The following DMD variants were observed in gnomAD, a reference collection of about 807,000 sequenced individuals.
DMD encodes mutant dystrophin.
Under a neutral mutation model 330.1 loss-of-function variants are expected in DMD, and 63 were observed. The observed-to-expected ratio is 0.19, with a 90% confidence interval of 0.16 to 0.24. The LOEUF is 0.24. DMD is among the 10% of genes least tolerant of loss of function. The pLI is 1.00. For synonymous variants in DMD, 1,223 were observed against 959.8 expected (o/e 1.27, Z -5.07); for missense variants, 3,344 against 2,684.1 (o/e 1.25, Z -5.43).
intron 13 of DMD, among the ~76,000 whole-genome samples, chrX:32,592,968 C>A (rs2055096592): frequency 8.8e-6 from 1 of 113,111 alleles, no homozygotes. Context: ...CCTTCCGCTG[C>A]AGCTGGCATG....
intron 27 of DMD, among the ~76,000 whole-genome samples, chrX:32,442,882 T>TA (rs1165383341): frequency 1.8e-5 from 2 of 110,837 alleles, no homozygotes; most frequent in African/African-American, 3.3e-5. Flanking sequence ...GACAAAGCCC[T>TA]AAAAAAACTA....
At chrX:32,845,814 C>T (rs752752135) in intron 3 of DMD, among the ~76,000 whole-genome samples, 1 of 112,418 alleles carries the variant, frequency 8.9e-6, no homozygotes, top group South Asian at 3.7e-4. Context: ...TACCAGTTTT[C>T]TCATCTGTTA....
chrX:31,227,688 G>A (rs2046753388), intron 63 of DMD, among the ~76,000 whole-genome samples: 1 of 110,808 alleles, frequency 9.0e-6, no homozygotes, highest in South Asian at 3.9e-4. Context: ...AATTACCTTG[G>A]GCAGTATGAC....
intron 35 of DMD, 44 bp from the exon 36 acceptor site, chrX:32,364,754 T>C (rs1226938454): frequency 4.3e-6 from 5 of 1,176,430 alleles, no homozygotes; most frequent in Admixed American, 2.3e-5. Flanking sequence ...GGTTAGACAA[T>C]ATTCTTAAAG....
intron 67 of DMD, among the ~76,000 whole-genome samples, chrX:31,190,770 A>G (rs12009685): frequency 0.014 from 1,530 of 110,366 alleles, 29 homozygotes; most frequent in African/African-American, 0.046. Context: ...CCCTGCCCCA[A>G]TGTTAACATC....
intron 55 of DMD, among the ~76,000 whole-genome samples, chrX:31,536,375 T>G (rs181197798): frequency 3.6e-5 from 4 of 110,750 alleles, no homozygotes; most frequent in African/African-American, 1.3e-4. Flanking sequence ...ACTGGGGAGG[T>G]GAGAAAACAG....
chrX:32,852,256 G>T (rs755037899), intron 2 of DMD, among the ~76,000 whole-genome samples: 1 of 111,542 alleles, frequency 9.0e-6, no homozygotes, highest in East Asian at 2.8e-4. Flanking sequence ...CCAGGCCCTG[G>T]CTCCTGAGTG....
intron 44 of DMD, among the ~76,000 whole-genome samples, chrX:32,162,252 A>G (rs2096852195): frequency 9.0e-6 from 1 of 111,485 alleles, no homozygotes; most frequent in Admixed American, 9.5e-5. Context: ...GCTACAGCTC[A>G]GGGTGAAGTC....
chrX:32,805,694 C>T (rs1168434202), intron 7 of DMD, among the ~76,000 whole-genome samples: 1 of 111,605 alleles, frequency 9.0e-6, no homozygotes, highest in Non-Finnish European at 1.9e-5. Flanking sequence ...AGAGAAAGGT[C>T]GGCTTACCCA....
At chrX:31,131,534 G>A in intron 77 of DMD, among the ~76,000 whole-genome samples, 1 of 111,573 alleles carries the variant, frequency 9.0e-6, no homozygotes, top group Non-Finnish European at 1.9e-5. Context: ...CATCAAAACA[G>A]AGTCAGAAAT....
intron 1 of DMD, among the ~76,000 whole-genome samples, chrX:33,306,534 A>C: frequency 9.0e-6 from 1 of 111,093 alleles, no homozygotes; most frequent in Admixed American, 9.7e-5. Flanking sequence ...AATAAGTAGG[A>C]GATTTCCACT....
intron 11 of DMD, among the ~76,000 whole-genome samples, chrX:32,633,621 T>A (rs1418884502): frequency 8.9e-6 from 1 of 112,119 alleles, no homozygotes. Context: ...CTCGCATTGC[T>A]ATCAAGAAAT....
intron 1 of DMD, among the ~76,000 whole-genome samples, chrX:33,282,196 A>G (rs867980158): frequency 3.0e-4 from 33 of 111,195 alleles, no homozygotes; most frequent in South Asian, 3.9e-4. Flanking sequence ...GTCACTTATT[A>G]TGATTGTGTC....
At chrX:31,513,130 T>C (rs1281218492) in intron 55 of DMD, among the ~76,000 whole-genome samples, 1 of 94,205 alleles carries the variant, frequency 1.1e-5, no homozygotes, top group Non-Finnish European at 2.1e-5. Flanking sequence ...GATTTGGCTC[T>C]CTGTTTGTCT....
intron 21 of DMD, 87 bp from the exon 22 acceptor site, chrX:32,472,396 T>C: frequency 1.1e-6 from 1 of 896,173 alleles, no homozygotes; most frequent in Admixed American, 2.5e-5. Context: ...AACTCAATTA[T>C]ATTACTAGTT....
intron 2 of DMD, among the ~76,000 whole-genome samples, chrX:32,971,299 T>A (rs924939129): frequency 1.8e-5 from 2 of 111,579 alleles, no homozygotes; most frequent in Non-Finnish European, 3.8e-5. Flanking sequence ...GATTGTGCTG[T>A]ATTTTTTAAT....
At chrX:31,569,597 CACATATAT>C (rs1242779094) in intron 55 of DMD, among the ~76,000 whole-genome samples, 244 of 80,107 alleles carry the variant, frequency 3.0e-3, no homozygotes, top group African/African-American at 0.01. Flanking sequence ...TATATATATA[CACATATAT>C]GTATATACGT....
At chrX:31,346,300 TAAGGGATTG>T (rs72333175) in intron 61 of DMD, among the ~76,000 whole-genome samples, 11,042 of 110,610 alleles carry the variant, frequency 0.1, 463 homozygotes, top group African/African-American at 0.15. Flanking sequence ...GTACCTACCT[TAAGGGATTG>T]AAGGGATTGC....
At chrX:31,194,848 C>A (rs919561329) in intron 67 of DMD, among the ~76,000 whole-genome samples, 2 of 111,598 alleles carry the variant, frequency 1.8e-5, no homozygotes, top group Non-Finnish European at 3.8e-5. Context: ...GATTCGTTTT[C>A]TCTAAAAATA....
Sources: gnomAD v4.1 joint callset for allele counts (sites outside exome capture counted in the v4.1 genomes callset) on GRCh38, gnomAD v4.1.1 for gene constraint, MANE v1.5 for transcripts, NCBI Gene and HGNC (gene_info 2026-07-23, HGNC 2026-07-21) for gene names.